Variants in GMNN observed in about 807,000 individuals in gnomAD.
GMNN encodes geminin DNA replication inhibitor.
Under a neutral mutation model 20.9 loss-of-function variants are expected in GMNN, and 14 were observed. That is an observed-to-expected ratio of 0.67 (90% CI 0.44 to 1.05). The LOEUF is 1.05. Among genes scored for constraint, GMNN ranks in the 50% least tolerant of loss-of-function variants. The probability of loss-of-function intolerance (pLI) is 0.00; values close to 1 mark genes in which losing one functional copy is unlikely to be tolerated. For synonymous variants in GMNN, 81 were observed against 85.8 expected (o/e 0.94, Z 0.31); for missense variants, 227 against 243.8 (o/e 0.93, Z 0.46).
chr6:24,775,268 C>A (rs545995660), intron 1 of GMNN, 24 bp downstream of exon 1: 5 of 152,502 alleles, frequency 3.3e-5, no homozygotes, highest in South Asian at 2.1e-4. Flanking sequence ...GGTTGTTGAA[C>A]GGTCGCGGGA....
At chr6:24,781,134 G>A (rs1487921064) in intron 3 of GMNN, among the ~76,000 whole-genome samples, 2 of 152,204 alleles carry the variant, frequency 1.3e-5, no homozygotes, top group Non-Finnish European at 2.9e-5. Context: ...AACCTGGGAG[G>A]TGGAGGTTGC....
chr6:24,775,330 G>C (rs899170971), intron 1 of GMNN, 86 bp downstream of exon 1: 2 of 152,284 alleles, frequency 1.3e-5, no homozygotes, highest in African/African-American at 4.8e-5. Flanking sequence ...TGGCTGGGTC[G>C]GTTTTGGCGC....
At chr6:24,781,925 GA>G (rs1332628562) in intron 4 of GMNN, among the ~76,000 whole-genome samples, 1 of 152,016 alleles carries the variant, frequency 6.6e-6, no homozygotes, top group Non-Finnish European at 1.5e-5. Context: ...CTCTCTGTAT[GA>G]AAAAATTAGC....
At position 24,784,132 on chromosome 6, in the gene GMNN, GA is replaced by G; in HGVS notation, c.323del (p.Lys108ArgfsTer27). On this transcript the variant is annotated frameshift_variant, in exon 5 of 7. Coordinates refer to ENST00000230056, the MANE Select transcript of GMNN (RefSeq NM_015895.5). LOFTEE classifies it high-confidence loss of function. ...TGGAAGGAAGTGGCAGAAAAACGGAGAAAGGCGCTGTATGAAGCACTTAAGG... is the reference window on the plus strand; with the variant it reads ...TGGAAGGAAGTGGCAGAAAAACGGAGAAGGCGCTGTATGAAGCACTTAAGG... ...QYWKEVAEKR[R>X]KALYEALKEN... The G allele has an allele frequency of 6.5e-7, 1 of 1,535,860 alleles. No individual in the cohort carries two copies. The highest frequency in any genetic ancestry group is 9.0e-7 in the Non-Finnish European group (1 of 1,110,540).
At chr6:24,776,258 C>T (rs1177354998) in intron 1 of GMNN, among the ~76,000 whole-genome samples, 1 of 152,084 alleles carries the variant, frequency 6.6e-6, no homozygotes, top group Non-Finnish European at 1.5e-5. Flanking sequence ...CCACCACGTC[C>T]GGCTAATTTT....
chr6:24,781,522 A>G lies in GMNN; in HGVS notation c.175A>G (p.Thr59Ala). The G allele has an allele frequency of 6.3e-7, 1 of 1,593,664 alleles. No individual in the cohort carries two copies. Among genetic ancestry groups the G allele is most frequent in the Non-Finnish European group, 8.6e-7 (1 of 1,164,782 alleles). The change falls in exon 4 of 7, where the codon ACA becomes GCA. Residue 59 changes from threonine to alanine, a missense_variant. Coordinates refer to ENST00000230056, the MANE Select transcript of GMNN (RefSeq NM_015895.5). ...SKRKHRNDHL[T>A]STTSSPGVIV... is the part of the protein sequence containing the mutation. ...AAGGAAACATCGGAATGACCACTTA[A>G]CATCTACAACTTCCAGCCCTGGGGT...
intron 4 of GMNN, among the ~76,000 whole-genome samples, chr6:24,782,779 T>G (rs996154038): frequency 1.3e-5 from 2 of 152,100 alleles, no homozygotes; most frequent in African/African-American, 2.4e-5. Flanking sequence ...TGTAACCCTC[T>G]GCGATACATG....
At chr6:24,777,074 C>T (rs1780091738) in intron 1 of GMNN, 148 bp from the exon 2 acceptor site, 2 of 402,148 alleles carry the variant, frequency 5.0e-6, no homozygotes, top group African/African-American at 4.1e-5. Flanking sequence ...TAACTTTAGT[C>T]ACCTTAGTCA....
In GMNN at chr6:24,777,286, G is replaced by C. The variant is rs560489336; in HGVS notation, c.40G>C (p.Glu14Gln). 6 of 1,342,704 alleles carry C rather than the reference G, an allele frequency of 4.5e-6. No homozygotes were observed. The highest frequency in any genetic ancestry group is 6.2e-6 in the Non-Finnish European group (6 of 962,376). The allele number at this position is 1,342,704 out of a possible 1,614,324, so 83.2% of individuals were successfully genotyped here. Residue 14 changes from glutamate (E) to glutamine (Q), a missense_variant, in exon 2 of 7, where the codon GAG becomes CAG. Transcript: ENST00000230056. ...GAAGCAGAAACAAGAAGAAATCAAA[G>C]AGAATATAAAGGTATGTGATTGAAT... The part of the protein sequence containing the change: ...SMKQKQEEIK[E>Q]NIKNSSVPRR...
chr6:24,778,451 ATG>A (rs1780130453), intron 2 of GMNN, among the ~76,000 whole-genome samples: 2 of 152,164 alleles, frequency 1.3e-5, no homozygotes, highest in Admixed American at 6.5e-5. Flanking sequence ...TTGGTGAATT[ATG>A]ATTGCTTCAC....
At chr6:24,777,018 AATT>A (rs1581424999) in intron 1 of GMNN, 3 of 330,838 alleles carry the variant, frequency 9.1e-6, no homozygotes, top group Non-Finnish European at 1.1e-5. Context: ...TTTCAGCTAT[AATT>A]ATTATGTGTG....
chr6:24,782,350 T>C (rs1167643064), intron 4 of GMNN, among the ~76,000 whole-genome samples: 1 of 152,192 alleles, frequency 6.6e-6, no homozygotes, highest in Non-Finnish European at 1.5e-5. Context: ...AATGGTAGTA[T>C]ACATCAGAAG....
rs755110421 is a variant in GMNN at position 24,780,707 on chromosome 6, T to G, written c.96T>G (p.Ser32=). 6.3e-7 allele frequency: 1 copy of G among 1,596,854 alleles called. No individual in the cohort carries two copies. The highest frequency in any genetic ancestry group is 8.6e-7 in the Non-Finnish European group (1 of 1,164,396). ...PRRTLKMIQP[S]ASGSLVGREN... is the part of the protein sequence containing the mutation. ...GAACTCTGAAGATGATTCAGCCTTC[T>G]GCATCTGGATCTCTTGTTGGAAGAG... is the stretch of plus-strand genomic sequence containing the variant. Residue 32 remains serine, a synonymous_variant, in exon 3 of 7, where the codon TCT becomes TCG. Transcript: ENST00000230056.
At chr6:24,784,285 A>G in intron 5 of GMNN, 116 bp downstream of exon 5, 1 of 706,218 alleles carries the variant, frequency 1.4e-6, no homozygotes. Flanking sequence ...GAAAAGTTTA[A>G]GTAAAAAGGC....
chr6:24,785,897 A>G lies in GMNN; in HGVS notation c.*98A>G. On this transcript the variant is annotated 3_prime_UTR_variant, in exon 7 of 7. Coordinates refer to ENST00000230056, the MANE Select transcript of GMNN (RefSeq NM_015895.5). ...CATAACTACATAATGCCAACTCTGG[A>G]ATCAAATTTCCTTGTTTGAATCCTG... The G allele has an allele frequency of 1.4e-6, 1 of 717,746 alleles. No homozygotes were observed. Among genetic ancestry groups the G allele is most frequent in the East Asian group, 2.9e-5 (1 of 34,522 alleles). The allele number at this position is 717,746 out of a possible 1,614,324, so 44.5% of individuals were successfully genotyped here.
In GMNN at chr6:24,781,613, T is replaced by C. The variant is rs577488599; in HGVS notation, c.266T>C (p.Met89Thr). 153 of 1,433,084 alleles carry C rather than the reference T, an allele frequency of 1.1e-4. 1 individual carries two copies. In the South Asian group the frequency reaches 1.8e-3, roughly 17 times the overall value. 88.8% of individuals were successfully genotyped at this position (1,433,084 alleles called of 1,614,324 possible). ...GGVTQESFDL[M>T]IKENPSSQYW... ...GTCACCCAGGAGTCATTTGATCTTA[T>C]GATTAAAGGTATGAAAAAATAGATA... The change falls in exon 4 of 7, where the codon ATG (methionine) becomes ACG (threonine). Residue 89 changes from methionine to threonine, a missense_variant. Coordinates refer to ENST00000230056, the MANE Select transcript of GMNN (RefSeq NM_015895.5).
intron 2 of GMNN, among the ~76,000 whole-genome samples, chr6:24,779,014 T>C (rs112418615): frequency 5.3e-5 from 8 of 152,334 alleles, no homozygotes; most frequent in African/African-American, 1.9e-4. Flanking sequence ...TGGTTTTGGT[T>C]CTACCTCCAA....
At chr6:24,780,160 T>A (rs1432612257) in intron 2 of GMNN, among the ~76,000 whole-genome samples, 5 of 152,242 alleles carry the variant, frequency 3.3e-5, no homozygotes, top group Non-Finnish European at 5.9e-5. Context: ...ACCATAAATG[T>A]TACGATGTTT....
intron 1 of GMNN, 124 bp from the exon 2 acceptor site, chr6:24,777,098 G>A (rs1247925790): frequency 4.8e-6 from 2 of 416,406 alleles, no homozygotes; most frequent in Non-Finnish European, 8.7e-6. Flanking sequence ...ACAGGGCTGA[G>A]TTTGGATTAA....
Sources: gnomAD v4.1 joint callset for allele counts (sites outside exome capture counted in the v4.1 genomes callset) on GRCh38, gnomAD v4.1.1 for gene constraint, MANE v1.5 for transcripts, NCBI Gene and HGNC (gene_info 2026-07-23, HGNC 2026-07-21) for gene names.